The following TRPM3 variants were observed in gnomAD, a reference collection of about 807,000 sequenced individuals.
The protein encoded by TRPM3 is long transient receptor potential channel 3.
Under a neutral mutation model 181.2 loss-of-function variants are expected in TRPM3, and 77 were observed. That is an observed-to-expected ratio of 0.42 (90% CI 0.35 to 0.51). TRPM3 has a LOEUF of 0.51. Among genes scored for constraint, TRPM3 ranks in the 20% least tolerant of loss-of-function variants. TRPM3 has a pLI of 0.01. For synonymous variants in TRPM3, 745 were observed against 796.4 expected, an observed-to-expected ratio of 0.94 and a Z score of 1.09; for missense variants, 1,759 against 2,196.7, an observed-to-expected ratio of 0.80 and a Z score of 3.98.
chr9:71,055,286 G>C (rs1236830327), intron 1 of TRPM3, among the ~76,000 whole-genome samples: 2 of 152,070 alleles, frequency 1.3e-5, no homozygotes, highest in East Asian at 3.9e-4. Context: ...GTAAGAGTTA[G>C]TAGAAACTTA....
intron 1 of TRPM3, among the ~76,000 whole-genome samples, chr9:71,299,441 T>G (rs1178249724): frequency 7.0e-6 from 1 of 143,476 alleles, no homozygotes; most frequent in Admixed American, 7.3e-5. Flanking sequence ...GAATTGAAAC[T>G]GAGAAAGGAA....
intron 1 of TRPM3, among the ~76,000 whole-genome samples, chr9:71,239,452 C>T (rs1157385330): frequency 2.6e-5 from 4 of 152,148 alleles, no homozygotes; most frequent in Non-Finnish European, 4.4e-5. Context: ...GAAATTATAA[C>T]TCTCTCTGCC....
At chr9:71,141,824 T>A (rs1366307595) in intron 1 of TRPM3, among the ~76,000 whole-genome samples, 1 of 152,214 alleles carries the variant, frequency 6.6e-6, no homozygotes, top group Non-Finnish European at 1.5e-5. Context: ...CTCAATTACT[T>A]TGGCAATGAC....
intron 1 of TRPM3, among the ~76,000 whole-genome samples, chr9:71,315,406 G>A (rs1308062109): frequency 6.6e-6 from 1 of 152,064 alleles, no homozygotes; most frequent in African/African-American, 2.4e-5. Flanking sequence ...GGAGGAAGAG[G>A]CATTTTTCAA....
At chr9:70,925,057 T>C (rs889210705) in intron 1 of TRPM3, among the ~76,000 whole-genome samples, 21 of 152,194 alleles carry the variant, frequency 1.4e-4, no homozygotes, top group African/African-American at 4.3e-4. Flanking sequence ...ACGGACTCAC[T>C]TGAGTCAGTC....
chr9:70,566,473 G>A (rs536902225), intron 22 of TRPM3, among the ~76,000 whole-genome samples: 1 of 152,242 alleles, frequency 6.6e-6, no homozygotes, highest in East Asian at 1.9e-4. Flanking sequence ...GCTTTGGAAG[G>A]ACCTCAGAGG....
chr9:70,936,466 A>T (rs1337249122), intron 1 of TRPM3, among the ~76,000 whole-genome samples: 1 of 152,204 alleles, frequency 6.6e-6, no homozygotes, highest in Middle Eastern at 3.2e-3. Context: ...GGAATAAGAT[A>T]AAAAATTCAG....
At chr9:71,192,200 C>A (rs1402562376) in intron 1 of TRPM3, among the ~76,000 whole-genome samples, 1 of 151,674 alleles carries the variant, frequency 6.6e-6, no homozygotes, top group Non-Finnish European at 1.5e-5. Context: ...TCTTCCAAAT[C>A]TAGGCTTTTG....
intron 1 of TRPM3, among the ~76,000 whole-genome samples, chr9:71,354,502 C>T (rs1187791371): frequency 6.6e-6 from 1 of 152,206 alleles, no homozygotes; most frequent in Non-Finnish European, 1.5e-5. Context: ...TATCCAATTA[C>T]AACTTATCCT....
chr9:70,811,261 T>C (rs781369154), intron 6 of TRPM3: 12 of 1,590,198 alleles, frequency 7.5e-6, no homozygotes, highest in African/African-American at 1.4e-5. Flanking sequence ...AAAAATAAAA[T>C]CTTTGAAATT....
intron 1 of TRPM3, among the ~76,000 whole-genome samples, chr9:70,892,004 C>T (rs981762494): frequency 1.3e-5 from 2 of 152,096 alleles, no homozygotes; most frequent in Non-Finnish European, 1.5e-5. Flanking sequence ...CTTCTCCCAG[C>T]CTACAGATCC....
chr9:71,228,367 TATCACACTGACTGGGGAAAAACAAAC>T (rs1168196912), intron 1 of TRPM3, among the ~76,000 whole-genome samples: 6 of 152,154 alleles, frequency 3.9e-5, no homozygotes, highest in Non-Finnish European at 7.4e-5. Flanking sequence ...CCACAGCTAG[TATCACACTGACTGGGGAAAAACAAAC>T]TTTTCCTCTA....
chr9:70,697,412 ATCTC>A (rs1046999378), intron 8 of TRPM3, among the ~76,000 whole-genome samples: 22 of 152,294 alleles, frequency 1.4e-4, no homozygotes, highest in African/African-American at 4.8e-4. Flanking sequence ...AACCCAAGTA[ATCTC>A]TCTCTCTTCC....
intron 1 of TRPM3, among the ~76,000 whole-genome samples, chr9:71,435,224 TATA>T (rs991352657): frequency 2.6e-5 from 4 of 152,176 alleles, no homozygotes; most frequent in African/African-American, 4.8e-5. Flanking sequence ...TTAGTGTACT[TATA>T]ATGTGAATAA....
intron 8 of TRPM3, among the ~76,000 whole-genome samples, chr9:70,684,054 C>T (rs1590300119): frequency 6.6e-6 from 1 of 152,186 alleles, no homozygotes; most frequent in East Asian, 1.9e-4. Context: ...AATGGAATTC[C>T]TTAACCATCT....
At chr9:70,752,535 A>C (rs1235513436) in intron 8 of TRPM3, among the ~76,000 whole-genome samples, 1 of 152,228 alleles carries the variant, frequency 6.6e-6, no homozygotes. Flanking sequence ...AAAACATAAA[A>C]AAGGCTGATA....
At chr9:71,108,931 A>G (rs1404500099) in intron 1 of TRPM3, among the ~76,000 whole-genome samples, 1 of 152,112 alleles carries the variant, frequency 6.6e-6, no homozygotes, top group Non-Finnish European at 1.5e-5. Flanking sequence ...GTATTTTTGG[A>G]TGAGGTTTAC....
chr9:70,774,077 T>C (rs919812418), intron 7 of TRPM3: 3 of 152,236 alleles, frequency 2.0e-5, no homozygotes, highest in Non-Finnish European at 4.4e-5. Flanking sequence ...TAGAATCATA[T>C]TAATACATCA....
intron 11 of TRPM3, 28 bp from the exon 12 acceptor site, chr9:70,635,289 G>T: frequency 1.9e-6 from 3 of 1,610,164 alleles, no homozygotes; most frequent in Non-Finnish European, 2.5e-6. Flanking sequence ...GAATCAAACA[G>T]TTTTGCTAGT....
Sources: allele counts gnomAD v4.1 joint callset (sites outside exome capture counted in the v4.1 genomes callset), GRCh38; gene constraint gnomAD v4.1.1; transcripts MANE v1.5; gene names NCBI Gene and HGNC (gene_info 2026-07-23, HGNC 2026-07-21).